KCNQ1OT1: variants seen among roughly 807,000 people sequenced by gnomAD.
KCNQ1OT1 encodes the protein KCNQ1 antisense RNA 2 (non-protein coding).
At chr11:2,660,936 T>C (rs551118325) in exon 1 of KCNQ1OT1, 2 of 398,670 alleles carry the variant, frequency 5.0e-6, no homozygotes, top group South Asian at 1.3e-4. Context: ...ATGTCCATGA[T>C]ATACAGAATG....
Position 2,687,554 on chromosome 11 carries a change from C to T in KCNQ1OT1, n.12441G>A. The T allele has an allele frequency of 2.5e-6, 1 of 398,736 alleles. No homozygotes were observed. The highest frequency in any genetic ancestry group is 4.4e-6 in the Non-Finnish European group (1 of 226,158). The allele number at this position is 398,736 out of a possible 1,614,324, so 24.7% of individuals were successfully genotyped here. On this transcript the variant is annotated non_coding_transcript_exon_variant, in exon 1 of 1. Coordinates refer to ENST00000597346, the Ensembl canonical transcript of KCNQ1OT1. This position sits in a 1 kb window ranked among gnomAD's most constrained non-coding sequence, Gnocchi z 5.0. ...CCCTTCCCTGGTGCACCTACCACAG[C>T]CCACTCTGATGACCCCCTGTCAAGG...
At position 2,659,041 on chromosome 11, in the gene KCNQ1OT1, A is replaced by G. The variant is rs1849902849; in HGVS notation, n.40954T>C. On this transcript the variant is annotated non_coding_transcript_exon_variant, in exon 1 of 1. Coordinates refer to ENST00000597346, the Ensembl canonical transcript of KCNQ1OT1. The surrounding 1 kb of genome is among the most constrained non-coding windows in gnomAD (Gnocchi z 4.3). ...CTCCTCCTCCTTTCCTTTCACTGCT[A>G]TGTCATTTGTTTGTAACACGCTCAT... is the stretch of plus-strand genomic sequence containing the variant. The G allele has an allele frequency of 2.5e-6, 1 of 398,392 alleles. No homozygotes were observed. Among genetic ancestry groups the G allele is most frequent in the African/African-American group, 2.1e-5 (1 of 48,584 alleles). 24.7% of individuals were successfully genotyped at this position (398,392 alleles called of 1,614,324 possible).
chr11:2,669,469 G>A lies in KCNQ1OT1; in HGVS notation n.30526C>T, dbSNP rs777595604. The A allele has an allele frequency of 9.5e-5, 38 of 398,492 alleles. 1 individual carries two copies. The highest frequency in any genetic ancestry group is 1.4e-4 in the Non-Finnish European group (32 of 226,084). The allele number at this position is 398,492 out of a possible 1,614,324, so 24.7% of individuals were successfully genotyped here. Reference sequence around the variant, plus strand: ...CTTGCCCTGTAGTTTTCAGTGTGGTGGTCATGAACAGCTTGTCAGATTCAT... The same window carrying A: ...CTTGCCCTGTAGTTTTCAGTGTGGTAGTCATGAACAGCTTGTCAGATTCAT... On this transcript the variant is annotated non_coding_transcript_exon_variant, in exon 1 of 1. Coordinates refer to ENST00000597346, the Ensembl canonical transcript of KCNQ1OT1. The surrounding 1 kb of genome is among the most constrained non-coding windows in gnomAD (Gnocchi z 5.6).
chr11:2,684,120 A>AG (rs1331081915), exon 1 of KCNQ1OT1: 1 of 398,520 alleles, frequency 2.5e-6, no homozygotes, highest in Non-Finnish European at 4.4e-6. Flanking sequence ...TAGATTCTTA[A>AG]GGGGACCGTT....
chr11:2,692,238 C>G (rs1177302469), exon 1 of KCNQ1OT1: 3 of 398,880 alleles, frequency 7.5e-6, no homozygotes, highest in African/African-American at 6.2e-5. Flanking sequence ...CCCATCACCT[C>G]AAGCCCATCA....
At chr11:2,667,735 G>T in exon 1 of KCNQ1OT1, 2 of 398,786 alleles carry the variant, frequency 5.0e-6, no homozygotes, top group Non-Finnish European at 4.4e-6. Flanking sequence ...TTAAGTGAGG[G>T]AGTGGGATGG....
exon 1 of KCNQ1OT1, chr11:2,640,686 A>G (rs1263247725): frequency 5.0e-6 from 2 of 398,206 alleles, no homozygotes; most frequent in Non-Finnish European, 8.8e-6. Context: ...CTCTATAGTT[A>G]GGAACATTTC....
In KCNQ1OT1 at chr11:2,636,483, A is replaced by G. The variant is rs181401751; in HGVS notation, n.63512T>C. On this transcript the variant is annotated non_coding_transcript_exon_variant, in exon 1 of 1. Coordinates refer to ENST00000597346, the Ensembl canonical transcript of KCNQ1OT1. ...TTTGGTTCTGTTTATATGCTGGATA[A>G]TGTTTATTGATTTGCATATGTTGAA... 2.6e-5 allele frequency: 4 copies of G among 152,298 alleles called. No individual in the cohort carries two copies. The East Asian group carries it at 7.7e-4, about 29-fold the overall frequency. The allele number at this position is 152,298 out of a possible 1,614,324, so 9.4% of individuals were successfully genotyped here.
exon 1 of KCNQ1OT1, chr11:2,625,783 A>T (rs1589989098): frequency 5.0e-6 from 2 of 397,834 alleles, no homozygotes; most frequent in African/African-American, 4.1e-5. Flanking sequence ...GTTAGCCAGG[A>T]TGGTCTCAAT....
chr11:2,679,449 A>C lies in KCNQ1OT1; in HGVS notation n.20546T>G, dbSNP rs1408547749. 1 of 398,494 alleles carries C rather than the reference A, an allele frequency of 2.5e-6. No individual in the cohort carries two copies. Among genetic ancestry groups the C allele is most frequent in the Non-Finnish European group, 4.4e-6 (1 of 226,060 alleles). 24.7% of individuals were successfully genotyped at this position (398,494 alleles called of 1,614,324 possible). A position where few individuals can be genotyped will look rare whatever the true frequency, so the allele number is the denominator to read the frequency against. Reference sequence around the variant, plus strand: ...AGAGGGTTGTTAGGAGGATTACACAAATTAATAATATAAAGTATGCAGAAA... The same window carrying C: ...AGAGGGTTGTTAGGAGGATTACACACATTAATAATATAAAGTATGCAGAAA... On this transcript the variant is annotated non_coding_transcript_exon_variant, in exon 1 of 1. Coordinates refer to ENST00000597346, the Ensembl canonical transcript of KCNQ1OT1. The surrounding 1 kb of genome is among the most constrained non-coding windows in gnomAD (Gnocchi z 4.8).
chr11:2,646,163 A>T, exon 1 of KCNQ1OT1: 1 of 398,612 alleles, frequency 2.5e-6, no homozygotes, highest in Non-Finnish European at 4.4e-6. Flanking sequence ...CTCAGAGGCG[A>T]TCTATATAAA....
exon 1 of KCNQ1OT1, chr11:2,610,893 T>C: frequency 2.5e-6 from 1 of 398,404 alleles, no homozygotes; most frequent in East Asian, 3.6e-5. Context: ...CACCATTTCA[T>C]CCAAGAATAG....
In KCNQ1OT1 at chr11:2,657,722, T is replaced by C. The variant is rs544138442; in HGVS notation, n.42273A>G. 8.5e-5 allele frequency: 34 copies of C among 398,514 alleles called. No individual in the cohort carries two copies. Among genetic ancestry groups the C allele is most frequent in the Non-Finnish European group, 1.2e-4 (28 of 226,056 alleles). 24.7% of individuals were successfully genotyped at this position (398,514 alleles called of 1,614,324 possible). ...CATCTAGGATCGATCATTACATTTA[T>C]TGTCATCTCTGATCGGTGACGGGCT... On this transcript the variant is annotated non_coding_transcript_exon_variant, in exon 1 of 1. Transcript: ENST00000597346. This position sits in a 1 kb window ranked among gnomAD's most constrained non-coding sequence, Gnocchi z 4.8.
Position 2,620,737 on chromosome 11 carries a change from C to A in KCNQ1OT1, n.79258G>T, listed in dbSNP as rs1317219467. 6 of 398,414 alleles carry A rather than the reference C, an allele frequency of 1.5e-5. No homozygotes were observed. 24.7% of individuals were successfully genotyped at this position (398,414 alleles called of 1,614,324 possible). ...GGGATTGCTGGGTCAGATGGTAGTT[C>A]TGTTTTCAGTTATTTGAGAAAACTC... On this transcript the variant is annotated non_coding_transcript_exon_variant, in exon 1 of 1. Transcript: ENST00000597346. This position sits in a 1 kb window ranked among gnomAD's most constrained non-coding sequence, Gnocchi z 4.5.
exon 1 of KCNQ1OT1, chr11:2,644,152 A>G: frequency 2.5e-6 from 1 of 398,558 alleles, no homozygotes. Flanking sequence ...GAGATTGGGA[A>G]GTGTTCAGGT....
chr11:2,618,750 TTCAA>T (rs1849114108), exon 1 of KCNQ1OT1: 1 of 398,434 alleles, frequency 2.5e-6, no homozygotes, highest in Admixed American at 4.4e-5. Flanking sequence ...AGGGATTTTA[TTCAA>T]TCTGTATATT....
rs1448923499 is a variant in KCNQ1OT1, at chr11:2,659,104, G to A, written n.40891C>T. 2.5e-5 allele frequency: 10 copies of A among 398,406 alleles called. No homozygotes were observed. Among genetic ancestry groups the A allele is most frequent in the Admixed American group, 1.3e-4 (3 of 22,704 alleles). The allele number at this position is 398,406 out of a possible 1,614,324, so 24.7% of individuals were successfully genotyped here. On this transcript the variant is annotated non_coding_transcript_exon_variant, in exon 1 of 1. Transcript: ENST00000597346. The surrounding 1 kb of genome is among the most constrained non-coding windows in gnomAD (Gnocchi z 4.3). ...TTCATCGTAGGGTCCTCCAACATCC[G>A]GGTTAATTTTTTAAATTTGCATACA... is the stretch of plus-strand genomic sequence containing the variant.
chr11:2,629,982 C>G (rs530423705), exon 1 of KCNQ1OT1: 1 of 398,308 alleles, frequency 2.5e-6, no homozygotes, highest in African/African-American at 2.1e-5. Flanking sequence ...GTGAGAATAT[C>G]TTTTTCTTGT....
exon 1 of KCNQ1OT1, chr11:2,648,207 G>C: frequency 2.5e-6 from 1 of 398,312 alleles, no homozygotes; most frequent in Non-Finnish European, 4.4e-6. Flanking sequence ...CGTGTCTCGG[G>C]GGGTGGGGGG....
Sources: allele counts gnomAD v4.1 joint callset, GRCh38; gene constraint gnomAD v4.1.1; non-coding constraint Gnocchi (gnomAD v3.1); transcripts MANE v1.5; gene names NCBI Gene and HGNC (gene_info 2026-07-23, HGNC 2026-07-21).